CNOT6: variants seen among roughly 807,000 people sequenced by gnomAD.
CNOT6 encodes the protein carbon catabolite repression 4 protein.
In CNOT6, 12 loss-of-function variants were observed where a neutral mutation model predicts 61.2. The ratio of observed to expected loss-of-function variants is 0.20; its 90% confidence interval spans 0.13 to 0.32. The LOEUF (loss-of-function observed/expected upper bound fraction) is 0.32, where lower values mean the gene tolerates loss of function less well. CNOT6 is among the 10% of genes least tolerant of loss of function. CNOT6 has a pLI of 1.00. For missense variants in CNOT6, 405 were observed against 663.9 expected, an observed-to-expected ratio of 0.61 and a Z score of 4.28; for synonymous variants, 225 against 240.6, an observed-to-expected ratio of 0.94 and a Z score of 0.60.
chr5:180,517,537 CT>C (rs972187107), intron 1 of CNOT6, among the ~76,000 whole-genome samples: 2 of 150,882 alleles, frequency 1.3e-5, no homozygotes, highest in Non-Finnish European at 3.0e-5. Context: ...TAAAGTAGGG[CT>C]TTTTTTTTCT....
At chr5:180,539,609 A>G (rs944026575) in intron 2 of CNOT6, among the ~76,000 whole-genome samples, 1 of 75,692 alleles carries the variant, frequency 1.3e-5, no homozygotes, top group African/African-American at 5.8e-5. Context: ...TTTTTTTTTG[A>G]GACGGAGTCT....
intron 1 of CNOT6, among the ~76,000 whole-genome samples, chr5:180,499,126 A>C (rs759881358): frequency 6.6e-6 from 1 of 152,076 alleles, no homozygotes; most frequent in African/African-American, 2.4e-5. Context: ...GTGTCTTCTG[A>C]GTCTGTGGTC....
intron 2 of CNOT6, among the ~76,000 whole-genome samples, chr5:180,538,685 GGTATATAT>G (rs1411597865): frequency 1.2e-5 from 1 of 84,246 alleles, no homozygotes; most frequent in African/African-American, 5.4e-5. Context: ...CTGAGAAAAA[GGTATATAT>G]ATATATATAT....
chr5:180,556,458 T>C (rs972159332), intron 4 of CNOT6, among the ~76,000 whole-genome samples: 2 of 152,230 alleles, frequency 1.3e-5, no homozygotes, highest in Non-Finnish European at 2.9e-5. Flanking sequence ...GTGGATATGT[T>C]GATTAGCCTG....
chr5:180,509,760 A>G (rs1333809695), intron 1 of CNOT6, among the ~76,000 whole-genome samples: 1 of 150,062 alleles, frequency 6.7e-6, no homozygotes, highest in Non-Finnish European at 1.5e-5. Context: ...TATGCTGCCC[A>G]GTCTGGAACT....
Position 180,575,889 on chromosome 5 carries a change from TA to T in CNOT6, c.*1690del, listed in dbSNP as rs1460029783. 6.8e-6 allele frequency: 1 copy of T among 146,102 alleles called. No homozygotes were observed. The highest frequency in any genetic ancestry group is 2.5e-5 in the African/African-American group (1 of 40,068). The allele number at this position is 146,102 out of a possible 1,614,324, so 9.1% of individuals were successfully genotyped here. A position where few individuals can be genotyped will look rare whatever the true frequency, so the allele number is the denominator to read the frequency against. ...AATGAGTCATTTTGGAAATGATTCT[TA>T]TGTTTTTTTTTTTTCTCCTTTTAGA... On this transcript the variant is annotated 3_prime_UTR_variant, in exon 12 of 12. Coordinates refer to ENST00000261951, the MANE Select transcript of CNOT6 (RefSeq NM_001370472.1).
chr5:180,563,521 C>G (rs1409282317), intron 4 of CNOT6, among the ~76,000 whole-genome samples: 1 of 152,130 alleles, frequency 6.6e-6, no homozygotes, highest in Non-Finnish European at 1.5e-5. Context: ...GGATTACAGG[C>G]ATGTCTTCCT....
At chr5:180,565,274 A>C (rs1760395659) in intron 6 of CNOT6, among the ~76,000 whole-genome samples, 1 of 152,260 alleles carries the variant, frequency 6.6e-6, no homozygotes, top group Non-Finnish European at 1.5e-5. Context: ...AAGAGAGCCA[A>C]ACCCTTACTT....
chr5:180,516,288 C>G (rs1027379652), intron 1 of CNOT6, among the ~76,000 whole-genome samples: 4 of 150,488 alleles, frequency 2.7e-5, no homozygotes, highest in Non-Finnish European at 4.4e-5. Context: ...TCAATCGATT[C>G]TCCTGCCTCA....
intron 4 of CNOT6, among the ~76,000 whole-genome samples, chr5:180,562,470 G>T (rs1760235701): frequency 6.6e-6 from 1 of 152,168 alleles, no homozygotes; most frequent in Non-Finnish European, 1.5e-5. Context: ...GCCGGGCGCG[G>T]TGGCTCACAC....
In CNOT6 at chr5:180,574,168, G is replaced by A. The variant is rs75075055; in HGVS notation, c.1642G>A (p.Val548Ile). 3.2e-4 allele frequency: 522 copies of A among 1,613,668 alleles called. 4 individuals are homozygous for A. The African/African-American group carries it at 6.1e-3, about 19-fold the overall frequency. Residue 548 changes from valine (V) to isoleucine (I), a missense_variant, in exon 12 of 12, where the codon GTC (valine) becomes ATC (isoleucine). Val to Ile is a conservative substitution (Grantham distance 29, BLOSUM62 3). This residue lies in a region of CNOT6 where 52 missense variants were observed against 69.3 expected (regional missense o/e 0.75). Coordinates refer to ENST00000261951, the MANE Select transcript of CNOT6 (RefSeq NM_001370472.1). ...GCTCTTACTGCCTTTCCTGCCCCAAGTCAACGGCATCCACCTTCCTGGCAG... is the reference window on the plus strand; with the variant it reads ...GCTCTTACTGCCTTTCCTGCCCCAAATCAACGGCATCCACCTTCCTGGCAG... The part of the protein sequence containing the change: ...LELLLPFLPQ[V>I]NGIHLPGRR
chr5:180,537,283 C>T (rs1047213577), intron 2 of CNOT6, among the ~76,000 whole-genome samples: 7 of 152,142 alleles, frequency 4.6e-5, no homozygotes, highest in Admixed American at 3.9e-4. Context: ...CATCCTTTTC[C>T]GGATTTGGTG....
At chr5:180,504,089 G>T (rs987108373) in intron 1 of CNOT6, among the ~76,000 whole-genome samples, 5 of 151,988 alleles carry the variant, frequency 3.3e-5, no homozygotes, top group Non-Finnish European at 5.9e-5. Context: ...TTCTCTTTTT[G>T]GTTATGGATC....
At chr5:180,517,839 G>C (rs1006950063) in intron 1 of CNOT6, among the ~76,000 whole-genome samples, 1 of 152,228 alleles carries the variant, frequency 6.6e-6, no homozygotes, top group Non-Finnish European at 1.5e-5. Context: ...ACTGCGCCTG[G>C]CCGAGTAGAC....
intron 1 of CNOT6, among the ~76,000 whole-genome samples, chr5:180,510,824 G>A (rs1225682087): frequency 2.0e-5 from 3 of 150,126 alleles, no homozygotes; most frequent in African/African-American, 4.9e-5. Context: ...TTTTTTTTGC[G>A]ACAGAGTCTC....
intron 1 of CNOT6, among the ~76,000 whole-genome samples, chr5:180,501,155 A>G (rs1357483225): frequency 6.6e-6 from 1 of 152,186 alleles, no homozygotes. Context: ...GGTTCATGTA[A>G]CATACTTTTT....
intron 1 of CNOT6, among the ~76,000 whole-genome samples, chr5:180,507,618 TAC>T (rs1266690679): frequency 1.3e-5 from 2 of 151,866 alleles, no homozygotes; most frequent in Admixed American, 1.3e-4. Context: ...CAAAAAAAGA[TAC>T]AGTTTTAGGA....
chr5:180,508,342 C>G (rs150573299), intron 1 of CNOT6, among the ~76,000 whole-genome samples: 6 of 152,156 alleles, frequency 3.9e-5, no homozygotes, highest in Non-Finnish European at 8.8e-5. Flanking sequence ...GACGGAGTCT[C>G]GCTCTCTCAC....
chr5:180,565,908 C>G lies in CNOT6; in HGVS notation c.648C>G (p.Asn216Lys), dbSNP rs546672015. The G allele has an allele frequency of 3.1e-6, 5 of 1,614,008 alleles. No homozygotes were observed. The highest frequency in any genetic ancestry group is 3.3e-5 in the Admixed American group (2 of 60,016). Residue 216 changes from asparagine (N) to lysine (K), a missense_variant, in exon 7 of 12, where the codon AAC becomes AAG. Transcript: ENST00000261951. ...LYGYCPSWAL[N>K]WDYRKKAIIQ... ...GCTACTGTCCATCATGGGCGCTAAA[C>G]TGGGACTACAGGAAAAAGGCCATTA...
Sources: allele counts gnomAD v4.1 joint callset (sites outside exome capture counted in the v4.1 genomes callset), GRCh38; gene constraint gnomAD v4.1.1; regional missense constraint gnomAD v4.1.1; transcripts MANE v1.5; gene names NCBI Gene and HGNC (gene_info 2026-07-23, HGNC 2026-07-21).